CCDC50: variants seen among roughly 807,000 people sequenced by gnomAD.
CCDC50 encodes coiled-coil domain-containing protein 50.
A neutral mutation model predicts 70.2 loss-of-function variants in CCDC50; 54 were observed. The ratio of observed to expected loss-of-function variants is 0.77; its 90% CI spans 0.62 to 0.96. CCDC50 has a LOEUF of 0.96. Among genes scored for constraint, CCDC50 ranks in the 50% least tolerant of loss-of-function variants. The probability of loss-of-function intolerance (pLI) is 0.00; values close to 1 mark genes in which losing one functional copy is unlikely to be tolerated. For synonymous variants in CCDC50, 216 were observed against 198.8 expected, an observed-to-expected ratio of 1.09 and a Z score of -0.73; for missense variants, 558 against 578.7, an observed-to-expected ratio of 0.96 and a Z score of 0.37.
chr3:191,347,863 A>C (rs989073477), intron 1 of CCDC50, among the ~76,000 whole-genome samples: 1 of 142,056 alleles, frequency 7.0e-6, no homozygotes, highest in African/African-American at 2.5e-5. Context: ...GAAAAATTCA[A>C]CATTTCGTGT....
intron 1 of CCDC50, among the ~76,000 whole-genome samples, chr3:191,340,155 C>T (rs2108634457): frequency 6.6e-6 from 1 of 152,274 alleles, no homozygotes; most frequent in South Asian, 2.1e-4. Context: ...TAATCTGTCT[C>T]CTCACAGGTC....
At chr3:191,365,028 T>A (rs1712632442) in intron 4 of CCDC50, among the ~76,000 whole-genome samples, 1 of 152,178 alleles carries the variant, frequency 6.6e-6, no homozygotes. Context: ...TCAGTTAATT[T>A]AACTTAGTTA....
chr3:191,386,341 C>T (rs1272653318), intron 10 of CCDC50, among the ~76,000 whole-genome samples: 1 of 151,020 alleles, frequency 6.6e-6, no homozygotes, highest in East Asian at 2.0e-4. Context: ...TCTTCTGCCT[C>T]AGCCTCCCAA....
chr3:191,345,927 A>C (rs1201746181), intron 1 of CCDC50, among the ~76,000 whole-genome samples: 1 of 152,240 alleles, frequency 6.6e-6, no homozygotes, highest in East Asian at 1.9e-4. Context: ...ATTATATAAT[A>C]TAGTGCTCCC....
chr3:191,359,196 G>C (rs1478664337), intron 3 of CCDC50, among the ~76,000 whole-genome samples: 1 of 152,178 alleles, frequency 6.6e-6, no homozygotes, highest in East Asian at 1.9e-4. Flanking sequence ...ACTGGGAAAA[G>C]CTTCACAAGA....
chr3:191,329,824 C>T (rs1372671001), intron 1 of CCDC50, 101 bp downstream of exon 1: 4 of 1,226,226 alleles, frequency 3.3e-6, no homozygotes, highest in Non-Finnish European at 4.6e-6. Context: ...CGGCCCTCGC[C>T]CGGTGCCCGC....
intron 10 of CCDC50, among the ~76,000 whole-genome samples, chr3:191,387,724 T>A (rs559103421): frequency 6.6e-6 from 1 of 152,274 alleles, no homozygotes; most frequent in South Asian, 2.1e-4. Flanking sequence ...GTGGGCATCC[T>A]GTGCTTTGTT....
Position 191,393,864 on chromosome 3 carries a change from A to G in CCDC50, c.*2104A>G, listed in dbSNP as rs1713775245. 6.6e-6 allele frequency: 1 copy of G among 151,924 alleles called. No individual in the cohort carries two copies. Among genetic ancestry groups the G allele is most frequent in the East Asian group, 1.9e-4 (1 of 5,194 alleles). The allele number at this position is 151,924 out of a possible 1,614,324, so 9.4% of individuals were successfully genotyped here. A position where few individuals can be genotyped will look rare whatever the true frequency, so the allele number is the denominator to read the frequency against. On this transcript the variant is annotated 3_prime_UTR_variant, in exon 12 of 12. Coordinates refer to ENST00000392455, the MANE Select transcript of CCDC50 (RefSeq NM_178335.3). Reference sequence around the variant, plus strand: ...TGTCCTTCAAAGTTTTTTTATTGTAATTTTAAAGGAAAAAAACAATGTATT... The same window carrying G: ...TGTCCTTCAAAGTTTTTTTATTGTAGTTTTAAAGGAAAAAAACAATGTATT...
At chr3:191,340,328 T>A (rs965544138) in intron 1 of CCDC50, among the ~76,000 whole-genome samples, 1 of 152,242 alleles carries the variant, frequency 6.6e-6, no homozygotes, top group African/African-American at 2.4e-5. Flanking sequence ...GTCCTTATAT[T>A]TCTGTAAATT....
chr3:191,375,599 G>C lies in CCDC50; in HGVS notation c.976+10G>C, dbSNP rs530179056. 1 of 1,611,346 alleles carries C rather than the reference G, an allele frequency of 6.2e-7. No homozygotes were observed. Among genetic ancestry groups the C allele is most frequent in the Non-Finnish European group, 8.5e-7 (1 of 1,178,806 alleles). On this transcript the variant is annotated intron_variant, in intron 6 of 11. Transcript: ENST00000392455. ...CACCTCCATGACGCAGGTAATAGAG[G>C]ACAGTCTCGATGGAAGTCCTGGTAT...
At chr3:191,362,330 G>T (rs1364754241) in intron 4 of CCDC50, among the ~76,000 whole-genome samples, 1 of 151,268 alleles carries the variant, frequency 6.6e-6, no homozygotes, top group Non-Finnish European at 1.5e-5. Flanking sequence ...TCACTATGTT[G>T]CCCAGGCTGG....
chr3:191,373,304 A>G (rs1353277234), intron 5 of CCDC50, among the ~76,000 whole-genome samples: 1 of 152,140 alleles, frequency 6.6e-6, no homozygotes, highest in Non-Finnish European at 1.5e-5. Flanking sequence ...TTATTATTAG[A>G]GAATAAACTT....
In CCDC50 at chr3:191,380,659, CTTTG is replaced by C. The variant is rs764312805; in HGVS notation, c.1093-24_1093-21del. ...GCACAACATAGATTCCAATTAAATTCTTTGTTTTTGTATTTTCGATATCATAGGC... is the reference window on the plus strand; with the variant it reads ...GCACAACATAGATTCCAATTAAATTCTTTTTGTATTTTCGATATCATAGGC... On this transcript the variant is annotated intron_variant, in intron 7 of 11. Coordinates refer to ENST00000392455, the MANE Select transcript of CCDC50 (RefSeq NM_178335.3). 2.5e-6 allele frequency: 4 copies of C among 1,603,952 alleles called. No homozygotes were observed. The East Asian group carries it at 6.7e-5, about 27-fold the overall frequency.
intron 1 of CCDC50, among the ~76,000 whole-genome samples, chr3:191,335,430 T>G (rs1436443008): frequency 6.6e-6 from 1 of 152,184 alleles, no homozygotes; most frequent in Non-Finnish European, 1.5e-5. Flanking sequence ...AGATCTTAGA[T>G]AAGACCTACA....
chr3:191,352,311 TC>T (rs2108644812), intron 1 of CCDC50, among the ~76,000 whole-genome samples: 1 of 141,798 alleles, frequency 7.1e-6, no homozygotes, highest in Non-Finnish European at 1.6e-5. Flanking sequence ...TAGGGGGAGA[TC>T]AACAACTCAA....
intron 1 of CCDC50, among the ~76,000 whole-genome samples, chr3:191,350,772 C>T (rs1356023391): frequency 1.4e-5 from 2 of 141,816 alleles, no homozygotes; most frequent in African/African-American, 5.0e-5. Flanking sequence ...TTCTTGATAG[C>T]AGGAGTGCTG....
chr3:191,354,271 T>C (rs448133), intron 1 of CCDC50, among the ~76,000 whole-genome samples: 63,276 of 152,008 alleles, frequency 0.42, 15,574 homozygotes, highest in East Asian at 0.92. Flanking sequence ...CTCATGCAGC[T>C]AAGGCACTCA....
chr3:191,368,782 T>G (rs564950752), intron 4 of CCDC50, among the ~76,000 whole-genome samples: 3 of 152,276 alleles, frequency 2.0e-5, no homozygotes, highest in East Asian at 1.9e-4. Flanking sequence ...CCAGTGAGTA[T>G]TATTCCCATA....
intron 3 of CCDC50, among the ~76,000 whole-genome samples, chr3:191,360,115 C>G (rs1457451698): frequency 6.6e-6 from 1 of 152,180 alleles, no homozygotes; most frequent in East Asian, 1.9e-4. Flanking sequence ...CTGCAGTTTT[C>G]ATTGAACTGG....
Sources: gnomAD v4.1 joint callset for allele counts (sites outside exome capture counted in the v4.1 genomes callset) on GRCh38, gnomAD v4.1.1 for gene constraint, MANE v1.5 for transcripts, NCBI Gene and HGNC (gene_info 2026-07-23, HGNC 2026-07-21) for gene names.